PRKG1: variants seen among roughly 807,000 people sequenced by gnomAD.
The protein encoded by PRKG1 is cGMP-dependent protein kinase 1.
A neutral mutation model predicts 88.1 loss-of-function variants in PRKG1; 35 were observed. The ratio of observed to expected loss-of-function variants is 0.40; its 90% confidence interval spans 0.30 to 0.53. PRKG1 has a LOEUF of 0.53. Ranked by LOEUF, PRKG1 falls within the 20% of genes least tolerant of loss-of-function variation. PRKG1 has a pLI of 0.59. For missense variants in PRKG1, 540 were observed against 839.8 expected, an observed-to-expected ratio of 0.64 and a Z score of 4.41; for synonymous variants, 303 against 292.5, an observed-to-expected ratio of 1.04 and a Z score of -0.37.
At chr10:51,423,261 T>C (rs1352467353) in intron 2 of PRKG1, among the ~76,000 whole-genome samples, 1 of 152,198 alleles carries the variant, frequency 6.6e-6, no homozygotes, top group African/African-American at 2.4e-5. Context: ...AGTTACGCAA[T>C]CTCTTTCTCT....
chr10:51,988,298 T>G (rs1844215097), intron 5 of PRKG1, among the ~76,000 whole-genome samples: 2 of 152,236 alleles, frequency 1.3e-5, no homozygotes, highest in South Asian at 2.1e-4. Flanking sequence ...TATGTTTAAC[T>G]TGATGCAACA....
intron 6 of PRKG1, among the ~76,000 whole-genome samples, chr10:52,061,438 A>G (rs757583583): frequency 6.6e-6 from 1 of 151,974 alleles, no homozygotes; most frequent in Non-Finnish European, 1.5e-5. Flanking sequence ...ATTTTAACTA[A>G]CCTTTCTGGA....
In PRKG1 at chr10:51,618,725, C is replaced by T. The variant is rs541777663; in HGVS notation, c.592+150889C>T. On this transcript the variant is annotated intron_variant, in intron 3 of 17. Transcript: ENST00000373980. ...TAAGGAAGTAGCATTGTCTGCTTTA[C>T]ATTTCAAATCACTTAGGCATTTATT... is the stretch of plus-strand genomic sequence containing the variant. 3.9e-5 allele frequency among the ~76,000 whole-genome samples: 6 copies of T among 152,130 alleles called. 1 individual carries two copies. The South Asian group carries it at 6.2e-4, about 16-fold the overall frequency.
At chr10:51,679,519 A>G (rs1171086798) in intron 3 of PRKG1, among the ~76,000 whole-genome samples, 1 of 151,966 alleles carries the variant, frequency 6.6e-6, no homozygotes, top group African/African-American at 2.4e-5. Flanking sequence ...TTCGCTTTCT[A>G]AAACTCTTAA....
chr10:51,749,990 C>A (rs1342955793), intron 3 of PRKG1, among the ~76,000 whole-genome samples: 2 of 146,852 alleles, frequency 1.4e-5, no homozygotes, highest in Non-Finnish European at 3.0e-5. Context: ...GGCTGGAGTG[C>A]AATGGCGTGA....
chr10:51,187,352 A>T (rs931845026), intron 2 of PRKG1, among the ~76,000 whole-genome samples: 1 of 152,000 alleles, frequency 6.6e-6, no homozygotes, highest in African/African-American at 2.4e-5. Context: ...AATTTGAAAA[A>T]CTTGGCTATT....
chr10:52,152,872 G>A (rs372565282), intron 8 of PRKG1, among the ~76,000 whole-genome samples: 8 of 152,162 alleles, frequency 5.3e-5, no homozygotes, highest in African/African-American at 1.9e-4. Flanking sequence ...GAGGAAGGAA[G>A]AGGACAATCT....
chr10:51,449,455 C>T (rs1367703514), intron 2 of PRKG1, among the ~76,000 whole-genome samples: 1 of 148,824 alleles, frequency 6.7e-6, no homozygotes, highest in Admixed American at 6.7e-5. Flanking sequence ...GTCAACTGGC[C>T]CCATGACACT....
At chr10:51,558,733 GA>G (rs757926215) in intron 3 of PRKG1, among the ~76,000 whole-genome samples, 1 of 152,078 alleles carries the variant, frequency 6.6e-6, no homozygotes, top group Non-Finnish European at 1.5e-5. Flanking sequence ...CAGCTGAAAT[GA>G]AAAAGATTTG....
intron 7 of PRKG1, among the ~76,000 whole-genome samples, chr10:52,102,184 G>A (rs1564469406): frequency 1.3e-5 from 2 of 152,046 alleles, no homozygotes; most frequent in Admixed American, 6.5e-5. Context: ...AGTTTTTTTT[G>A]TTTTGTTTTT....
chr10:52,239,696 A>G (rs750970544), intron 9 of PRKG1, among the ~76,000 whole-genome samples: 1 of 151,920 alleles, frequency 6.6e-6, no homozygotes, highest in Non-Finnish European at 1.5e-5. Flanking sequence ...CATGAATGTC[A>G]GCTGAAGTGT....
chr10:51,093,860 T>A (rs1437742750), intron 1 of PRKG1, among the ~76,000 whole-genome samples: 2 of 148,986 alleles, frequency 1.3e-5, no homozygotes, highest in Non-Finnish European at 3.0e-5. Context: ...TACTACTACC[T>A]CCCTTCTCTG....
intron 4 of PRKG1, among the ~76,000 whole-genome samples, chr10:51,844,731 G>T (rs1351583149): frequency 6.6e-6 from 1 of 152,090 alleles, no homozygotes; most frequent in East Asian, 1.9e-4. Context: ...GCTTAAAACT[G>T]GGCAGGTCAA....
At chr10:52,191,573 G>C (rs1327457003) in intron 9 of PRKG1, among the ~76,000 whole-genome samples, 1 of 152,064 alleles carries the variant, frequency 6.6e-6, no homozygotes, top group Admixed American at 6.6e-5. Context: ...CCTTTGTAAA[G>C]GTTCATTAAA....
chr10:51,194,522 G>A (rs1048814554), intron 2 of PRKG1, among the ~76,000 whole-genome samples: 8 of 151,884 alleles, frequency 5.3e-5, no homozygotes, highest in Non-Finnish European at 1.2e-4. Context: ...ACTTGCCATC[G>A]TTTATTTTAC....
chr10:51,387,410 T>G (rs906178505), intron 2 of PRKG1, among the ~76,000 whole-genome samples: 5 of 151,526 alleles, frequency 3.3e-5, no homozygotes, highest in Admixed American at 1.3e-4. Context: ...GGGCCCTGCA[T>G]TTTCATTTTC....
intron 2 of PRKG1, among the ~76,000 whole-genome samples, chr10:51,425,082 AT>A (rs1247969146): frequency 6.6e-6 from 1 of 151,812 alleles, no homozygotes; most frequent in African/African-American, 2.4e-5. Flanking sequence ...CGTATCAGGT[AT>A]TTTGTTAGAT....
At chr10:51,582,182 A>G (rs1838056219) in intron 3 of PRKG1, among the ~76,000 whole-genome samples, 1 of 152,226 alleles carries the variant, frequency 6.6e-6, no homozygotes, top group Non-Finnish European at 1.5e-5. Flanking sequence ...ATAAATGAGT[A>G]AAAAACAATT....
intron 5 of PRKG1, among the ~76,000 whole-genome samples, chr10:51,917,884 T>C (rs1842378000): frequency 6.6e-6 from 1 of 152,334 alleles, no homozygotes; most frequent in East Asian, 1.9e-4. Flanking sequence ...AAAAAACAAA[T>C]GCTTGTTCAT....
Sources: gnomAD v4.1 joint callset for allele counts (sites outside exome capture counted in the v4.1 genomes callset) on GRCh38, gnomAD v4.1.1 for gene constraint, MANE v1.5 for transcripts, NCBI Gene and HGNC (gene_info 2026-07-23, HGNC 2026-07-21) for gene names.